KRT8: variants seen among roughly 807,000 people sequenced by gnomAD.
The protein encoded by KRT8 is keratin, type II cytoskeletal 8.
A neutral mutation model predicts 43.0 loss-of-function variants in KRT8; 24 were observed. The ratio of observed to expected loss-of-function variants is 0.56; its 90% CI spans 0.40 to 0.78. KRT8 has a LOEUF of 0.78. Ranked by LOEUF, KRT8 falls within the 30% of genes least tolerant of loss-of-function variation. The probability of loss-of-function intolerance (pLI) is 0.00; values close to 1 mark genes in which losing one functional copy is unlikely to be tolerated. For missense variants in KRT8, 492 were observed against 638.4 expected, an observed-to-expected ratio of 0.77 and a Z score of 2.47; for synonymous variants, 214 against 261.2, an observed-to-expected ratio of 0.82 and a Z score of 1.74.
At chr12:52,933,693 C>T (rs904222788) in intron 2 of KRT8, among the ~76,000 whole-genome samples, 3 of 151,942 alleles carry the variant, frequency 2.0e-5, no homozygotes, top group Non-Finnish European at 4.4e-5. Context: ...GGGACAGTCT[C>T]GGCTCACTGC....
intron 2 of KRT8, among the ~76,000 whole-genome samples, chr12:52,922,638 A>G (rs1592177545): frequency 6.6e-6 from 1 of 152,320 alleles, no homozygotes; most frequent in Middle Eastern, 3.4e-3. Context: ...GTGTCACTGC[A>G]CTCCAGCCTT....
chr12:52,914,295 G>A lies in KRT8; in HGVS notation c.-46-9268C>T, dbSNP rs575560591. ...CTCACGCCTGTAATCCCAGCACTTT[G>A]GGAGGCCGAGGCAGGCGGATCACCT... On this transcript the variant is annotated intron_variant, in intron 2 of 6. Transcript: ENST00000546826. 4.0e-5 allele frequency among the ~76,000 whole-genome samples: 6 copies of A among 150,876 alleles called. No homozygotes were observed. The East Asian group carries it at 9.9e-4, about 25-fold the overall frequency.
intron 2 of KRT8, among the ~76,000 whole-genome samples, chr12:52,938,170 A>ATATATATATATATTTTTT (rs1555189967): frequency 9.9e-5 from 3 of 30,316 alleles, no homozygotes; most frequent in African/African-American, 1.4e-4. Context: ...ATATATATAT[A>ATATATATATATATTTTTT]TTTTTTTTTT....
intron 2 of KRT8, among the ~76,000 whole-genome samples, chr12:52,931,090 C>A (rs1454993868): frequency 6.8e-6 from 1 of 146,654 alleles, no homozygotes; most frequent in Non-Finnish European, 1.5e-5. Context: ...TTTTTTGAGA[C>A]AGAGTGTCGC....
At chr12:52,926,291 T>C in intron 2 of KRT8, 6 of 813,438 alleles carry the variant, frequency 7.4e-6, no homozygotes, top group Non-Finnish European at 1.2e-5. Flanking sequence ...AAATTCCTCA[T>C]CTGGTGGCTG....
intron 2 of KRT8, among the ~76,000 whole-genome samples, chr12:52,939,774 A>G (rs1254402018): frequency 1.3e-5 from 2 of 151,980 alleles, no homozygotes; most frequent in Non-Finnish European, 2.9e-5. Flanking sequence ...ACAAAGATAA[A>G]CAGCTTTATT....
chr12:52,949,794 A>C (rs1942445649), exon 1 of KRT8: 1 of 710,436 alleles, frequency 1.4e-6, no homozygotes, highest in African/African-American at 1.7e-5. Context: ...CCCAGGAGAG[A>C]GGGGGAAGGG....
intron 2 of KRT8, among the ~76,000 whole-genome samples, chr12:52,938,170 A>ATATATATATATATTTT (rs1555189967): frequency 1.7e-3 from 50 of 30,258 alleles, no homozygotes; most frequent in Non-Finnish European, 2.1e-3. Flanking sequence ...ATATATATAT[A>ATATATATATATATTTT]TTTTTTTTTT....
upstream of KRT8, among the ~76,000 whole-genome samples, chr12:52,906,085 A>G (rs1233728771): frequency 6.6e-6 from 1 of 151,940 alleles, no homozygotes; most frequent in Non-Finnish European, 1.5e-5. Context: ...CATCTCAAAG[A>G]AAAAAAAGAG....
intron 2 of KRT8, among the ~76,000 whole-genome samples, chr12:52,932,831 C>G (rs1207174781): frequency 6.6e-6 from 1 of 151,856 alleles, no homozygotes; most frequent in East Asian, 1.9e-4. Context: ...ACAAAAAAAT[C>G]CTGAAGAACC....
intron 2 of KRT8, among the ~76,000 whole-genome samples, chr12:52,938,157 TATATATATATATA>T (rs1177688568): frequency 0.016 from 535 of 34,332 alleles, 33 homozygotes; most frequent in Admixed American, 0.067. Flanking sequence ...TATATATATA[TATATATATATATA>T]TTTTTTTTTT....
In KRT8 at chr12:52,897,606, G is replaced by A. The variant is rs376270554; in HGVS notation, c.1274C>T (p.Ser425Leu). Reference sequence around the variant, plus strand: ...GGGGCTTGTGAGGCCCCCATAGGCCGAGCTCAGACCACCTGGTGAGGGACA... The same window carrying A: ...GGGGCTTGTGAGGCCCCCATAGGCCAAGCTCAGACCACCTGGTGAGGGACA... The change falls in exon 8 of 8, where the codon TCG becomes TTG. Residue 425 changes from serine (S) to leucine (L), a missense_variant. Coordinates refer to ENST00000692008, the Ensembl canonical transcript of KRT8. 7 of 1,598,130 alleles carry A rather than the reference G, an allele frequency of 4.4e-6. No homozygotes were observed. In the Admixed American group the frequency reaches 8.3e-5, roughly 19 times the overall value.
chr12:52,927,826 C>T (rs965577487), intron 2 of KRT8, among the ~76,000 whole-genome samples: 2 of 152,214 alleles, frequency 1.3e-5, no homozygotes, highest in African/African-American at 4.8e-5. Flanking sequence ...CTCCCGTAAT[C>T]CCAGCACTTT....
chr12:52,945,406 G>A (rs77969609), intron 2 of KRT8, among the ~76,000 whole-genome samples: 7,131 of 152,234 alleles, frequency 0.047, 531 homozygotes, highest in African/African-American at 0.16. Flanking sequence ...TCCCTGTTTT[G>A]TGTATAGACC....
At chr12:52,915,295 C>A (rs943889401) in intron 2 of KRT8, among the ~76,000 whole-genome samples, 3 of 151,568 alleles carry the variant, frequency 2.0e-5, no homozygotes, top group Non-Finnish European at 4.4e-5. Context: ...ATGGCGTGAA[C>A]CCCAGGGGAC....
chr12:52,921,796 T>A (rs1941891209), intron 2 of KRT8, among the ~76,000 whole-genome samples: 1 of 152,148 alleles, frequency 6.6e-6, no homozygotes, highest in South Asian at 2.1e-4. Context: ...GTGGTAAAGC[T>A]TTTAATTCTT....
intron 2 of KRT8, among the ~76,000 whole-genome samples, chr12:52,936,921 T>C (rs554812827): frequency 6.6e-6 from 1 of 152,222 alleles, no homozygotes; most frequent in South Asian, 2.1e-4. Context: ...ATTAAGAGAA[T>C]GAAAAGATAG....
chr12:52,917,028 G>A (rs1461285766), intron 2 of KRT8, among the ~76,000 whole-genome samples: 1 of 152,160 alleles, frequency 6.6e-6, no homozygotes, highest in Non-Finnish European at 1.5e-5. Flanking sequence ...CCAATAGGAA[G>A]GATTCCCCCA....
chr12:52,919,299 G>A (rs1405869537), intron 2 of KRT8, among the ~76,000 whole-genome samples: 1 of 152,084 alleles, frequency 6.6e-6, no homozygotes, highest in Non-Finnish European at 1.5e-5. Context: ...GTCTCACTCT[G>A]TCACCCAGTC....
Sources: gnomAD v4.1 joint callset for allele counts (sites outside exome capture counted in the v4.1 genomes callset) on GRCh38, gnomAD v4.1.1 for gene constraint, MANE v1.5 for transcripts, NCBI Gene and HGNC (gene_info 2026-07-23, HGNC 2026-07-21) for gene names.